Variants in TLL1 observed in about 807,000 individuals in gnomAD.
TLL1 encodes tolloid-like protein 1.
Under a neutral mutation model 128.2 loss-of-function variants are expected in TLL1, and 49 were observed. The ratio of observed to expected loss-of-function variants is 0.38; its 90% CI spans 0.30 to 0.48. TLL1 has a LOEUF of 0.48. Among genes scored for constraint, TLL1 ranks in the 20% least tolerant of loss-of-function variants. The pLI, the probability that TLL1 is intolerant of heterozygous loss-of-function variation, is 0.96. For missense variants in TLL1, 1,123 were observed against 1,242.0 expected (o/e 0.90, Z 1.44); for synonymous variants, 454 against 418.8 (o/e 1.08, Z -1.03).
Position 166,043,455 on chromosome 4 carries a change from C to T in TLL1, c.1524+36C>T, listed in dbSNP as rs1440024727. On this transcript the variant is annotated intron_variant, in intron 12 of 20. Transcript: ENST00000061240. ...TTAGGCTATCTTCCTGGCAAATATT[C>T]TCCATAAACGACAATGGCATTTAAG... 3.1e-6 allele frequency: 5 copies of T among 1,613,578 alleles called. No homozygotes were observed. The South Asian group carries it at 5.5e-5, about 18-fold the overall frequency.
rs61229255 is a variant in TLL1 at position 166,052,965 on chromosome 4, G to GTATATATATATATATATATATATA, written c.1525-2094_1525-2093insATATATATATATATATATATATAT. Among the ~76,000 whole-genome samples the GTATATATATATATATATATATATA allele has an allele frequency of 1.1e-3, 110 of 99,674 alleles. 2 individuals carry two copies. Among genetic ancestry groups the GTATATATATATATATATATATATA allele is most frequent in the African/African-American group, 4.0e-3 (106 of 26,254 alleles). The allele number at this position is 99,674 out of a possible 152,430, so 65.4% of individuals were successfully genotyped here. A position where few individuals can be genotyped will look rare whatever the true frequency, so the allele number is the denominator to read the frequency against. ...TAAAGACTGAGATAAGAGGTTATGT[G>GTATATATATATATATATATATATA]TATATATATATATATATTTGGCCAA... On this transcript the variant is annotated intron_variant, in intron 12 of 20. Coordinates refer to ENST00000061240, the MANE Select transcript of TLL1 (RefSeq NM_012464.5).
intron 1 of TLL1, among the ~76,000 whole-genome samples, chr4:165,957,471 AT>A (rs35706378): frequency 0.66 from 99,810 of 150,228 alleles, 33,536 homozygotes; most frequent in Admixed American, 0.75. Context: ...GAAATTCTGG[AT>A]TTTTTTTTTT....
In TLL1 at chr4:166,068,314, T is replaced by C. The variant is rs77595219; in HGVS notation, c.2188+2451T>C. 8.1e-3 allele frequency among the ~76,000 whole-genome samples: 1,233 copies of C among 151,916 alleles called. 14 individuals are homozygous for C. Among genetic ancestry groups the C allele is most frequent in the African/African-American group, 0.027 (1,121 of 41,524 alleles). On this transcript the variant is annotated intron_variant, in intron 16 of 20. Coordinates refer to ENST00000061240, the MANE Select transcript of TLL1 (RefSeq NM_012464.5). ...AGGTGAATAAATATCCTCATTATGA[T>C]GATCTTATGAAGTCATAATTTACAA... is the stretch of plus-strand genomic sequence containing the variant.
At chr4:165,968,257 C>T (rs1170548969) in intron 1 of TLL1, among the ~76,000 whole-genome samples, 1 of 152,102 alleles carries the variant, frequency 6.6e-6, no homozygotes, top group African/African-American at 2.4e-5. Context: ...ATCTAAATTT[C>T]AGAGGTTGTT....
intron 16 of TLL1, 40 bp from the exon 17 acceptor site, chr4:166,074,838 A>C (rs760172678): frequency 6.2e-7 from 1 of 1,610,454 alleles, no homozygotes; most frequent in East Asian, 2.2e-5. Context: ...CTCTGTTTTT[A>C]AAGTTACTTA....
chr4:166,091,758 A>T, intron 19 of TLL1, among the ~76,000 whole-genome samples: 1 of 152,082 alleles, frequency 6.6e-6, no homozygotes, highest in East Asian at 1.9e-4. Flanking sequence ...TTTTACATTA[A>T]TATATTTTTA....
intron 1 of TLL1, among the ~76,000 whole-genome samples, chr4:165,930,105 G>A (rs1043538087): frequency 5.9e-5 from 9 of 152,128 alleles, no homozygotes; most frequent in African/African-American, 9.7e-5. Context: ...TGGCCACTAA[G>A]TTAAGCCCAT....
intron 1 of TLL1, among the ~76,000 whole-genome samples, chr4:165,954,997 C>T (rs1488174633): frequency 6.6e-6 from 1 of 152,010 alleles, no homozygotes; most frequent in Admixed American, 6.6e-5. Flanking sequence ...AATTAAGATT[C>T]AGGAGAAAGT....
At chr4:165,915,536 T>G (rs1732739261) in intron 1 of TLL1, among the ~76,000 whole-genome samples, 1 of 152,232 alleles carries the variant, frequency 6.6e-6, no homozygotes, top group African/African-American at 2.4e-5. Context: ...AAGTTATTAA[T>G]GCCAAGGATT....
chr4:165,986,273 A>G (rs1449912118), intron 1 of TLL1, among the ~76,000 whole-genome samples: 2 of 152,112 alleles, frequency 1.3e-5, no homozygotes, highest in African/African-American at 2.4e-5. Context: ...GTCATGGTCC[A>G]ACTTACTGTG....
At chr4:166,010,406 G>C (rs1251599245) in intron 7 of TLL1, among the ~76,000 whole-genome samples, 1 of 150,890 alleles carries the variant, frequency 6.6e-6, no homozygotes, top group Non-Finnish European at 1.5e-5. Flanking sequence ...CCTTTTATAT[G>C]CTCGGTGGCA....
intron 1 of TLL1, among the ~76,000 whole-genome samples, chr4:165,930,931 AG>A (rs1245311546): frequency 2.6e-5 from 4 of 152,210 alleles, no homozygotes. Context: ...TGGTTGTGTT[AG>A]GGAAATGAAT....
chr4:165,890,129 A>G (rs973437132), intron 1 of TLL1, among the ~76,000 whole-genome samples: 1 of 152,086 alleles, frequency 6.6e-6, no homozygotes, highest in African/African-American at 2.4e-5. Flanking sequence ...ATTAGGTCTC[A>G]TGAGAACTCA....
chr4:165,980,082 G>A (rs1221270923), intron 1 of TLL1, among the ~76,000 whole-genome samples: 2 of 152,136 alleles, frequency 1.3e-5, no homozygotes, highest in African/African-American at 4.8e-5. Flanking sequence ...AACATTGGAA[G>A]CATATAAGTA....
chr4:166,078,649 C>G (rs757106523), intron 18 of TLL1, among the ~76,000 whole-genome samples: 6 of 152,076 alleles, frequency 3.9e-5, no homozygotes, highest in Non-Finnish European at 8.8e-5. Flanking sequence ...TAAATAATAA[C>G]CTGATAATAA....
intron 19 of TLL1, among the ~76,000 whole-genome samples, chr4:166,096,709 A>G (rs1742038058): frequency 2.0e-5 from 3 of 152,140 alleles, no homozygotes; most frequent in Admixed American, 1.3e-4. Context: ...TATTTTAAAA[A>G]GCTGAAAGCA....
intron 1 of TLL1, among the ~76,000 whole-genome samples, chr4:165,893,094 A>G (rs1470932723): frequency 6.6e-6 from 1 of 152,208 alleles, no homozygotes; most frequent in Non-Finnish European, 1.5e-5. Flanking sequence ...CTCTATCTTT[A>G]GTAAGGATTT....
chr4:165,985,659 G>A lies in TLL1; in HGVS notation c.170-3722G>A, dbSNP rs887610220. Reference sequence around the variant, plus strand: ...GGAATTGGGGACATGGGTGGAAGTGGCATTTTTTAAAGTTAAGGCCTAGGG... The same window carrying A: ...GGAATTGGGGACATGGGTGGAAGTGACATTTTTTAAAGTTAAGGCCTAGGG... On this transcript the variant is annotated intron_variant, in intron 1 of 20. Coordinates refer to ENST00000061240, the MANE Select transcript of TLL1 (RefSeq NM_012464.5). 3.9e-5 allele frequency among the ~76,000 whole-genome samples: 6 copies of A among 151,924 alleles called. No homozygotes were observed. The East Asian group carries it at 1.2e-3, about 29-fold the overall frequency.
intron 19 of TLL1, among the ~76,000 whole-genome samples, chr4:166,096,356 A>G (rs1009354158): frequency 1.3e-5 from 2 of 148,788 alleles, no homozygotes; most frequent in African/African-American, 5.2e-5. Context: ...GGCGGGGGGA[A>G]CTTCTTGTTG....
Sources: allele counts gnomAD v4.1 joint callset (sites outside exome capture counted in the v4.1 genomes callset), GRCh38; gene constraint gnomAD v4.1.1; transcripts MANE v1.5; gene names NCBI Gene and HGNC (gene_info 2026-07-23, HGNC 2026-07-21).